ALK: variants seen among roughly 807,000 people sequenced by gnomAD.
ALK encodes ALK receptor tyrosine kinase.
In ALK, 74 loss-of-function variants were observed where a neutral mutation model predicts 163.1. The observed-to-expected ratio is 0.45, with a 90% confidence interval of 0.38 to 0.55. The LOEUF (loss-of-function observed/expected upper bound fraction) is 0.55. Ranked by LOEUF, ALK falls within the 20% of genes least tolerant of loss-of-function variation. The pLI is 0.00. For missense variants in ALK, 2,063 were observed against 2,105.3 expected (o/e 0.98, Z 0.39); for synonymous variants, 960 against 843.2 (o/e 1.14, Z -2.40).
Position 29,233,574 on chromosome 2 carries a change from G to A in ALK, c.2478C>T (p.Tyr826=), listed in dbSNP as rs142126984. The A allele has an allele frequency of 2.0e-4, 319 of 1,614,144 alleles. 2 individuals are homozygous for A. Among genetic ancestry groups the A allele is most frequent in the Non-Finnish European group, 2.5e-4 (296 of 1,180,034 alleles). The change falls in exon 14 of 29, where the codon TAC becomes TAT. Residue 826 remains tyrosine (Y), a synonymous_variant. Coordinates refer to ENST00000389048, the MANE Select transcript of ALK (RefSeq NM_004304.5). ...GCAGCACACACCATACCTTAAATACGTAGGTGGCTCCACCCCCTCCTCCTC... is the reference window on the plus strand; with the variant it reads ...GCAGCACACACCATACCTTAAATACATAGGTGGCTCCACCCCCTCCTCCTC... The part of the protein sequence containing the change: ...GGGGGGGGAT[Y]VFKMKDGVPV...
At chr2:29,505,212 C>A (rs1462872074) in intron 4 of ALK, among the ~76,000 whole-genome samples, 2 of 152,144 alleles carry the variant, frequency 1.3e-5, no homozygotes, top group Non-Finnish European at 2.9e-5. Flanking sequence ...GCTGTGAATT[C>A]TCTACTGGGT....
intron 1 of ALK, among the ~76,000 whole-genome samples, chr2:29,736,844 T>C (rs1311145485): frequency 6.6e-6 from 1 of 152,144 alleles, no homozygotes; most frequent in Non-Finnish European, 1.5e-5. Flanking sequence ...TGAAATTTAA[T>C]ACTTGTCAAA....
intron 1 of ALK, among the ~76,000 whole-genome samples, chr2:29,870,422 A>G (rs1486265838): frequency 6.6e-6 from 1 of 152,106 alleles, no homozygotes; most frequent in African/African-American, 2.4e-5. Flanking sequence ...GAACTCACAC[A>G]CTATCATGAG....
At chr2:29,403,800 TACTGGGGAG>T (rs1669511257) in intron 4 of ALK, among the ~76,000 whole-genome samples, 1 of 147,460 alleles carries the variant, frequency 6.8e-6, no homozygotes, top group Non-Finnish European at 1.5e-5. Flanking sequence ...TAATACCAGC[TACTGGGGAG>T]GCTGAGGTAG....
At chr2:29,783,515 C>A (rs1316635328) in intron 1 of ALK, among the ~76,000 whole-genome samples, 1 of 152,182 alleles carries the variant, frequency 6.6e-6, no homozygotes, top group Non-Finnish European at 1.5e-5. Flanking sequence ...CAAAGACCCA[C>A]AACTGCCCAT....
chr2:29,375,152 G>A (rs894348116), intron 5 of ALK, among the ~76,000 whole-genome samples: 2 of 152,156 alleles, frequency 1.3e-5, no homozygotes, highest in Non-Finnish European at 2.9e-5. Context: ...CAAGGAAGCA[G>A]GTTAGTTCTC....
At chr2:29,489,776 G>A (rs1671857857) in intron 4 of ALK, among the ~76,000 whole-genome samples, 1 of 152,240 alleles carries the variant, frequency 6.6e-6, no homozygotes, top group South Asian at 2.1e-4. Flanking sequence ...CAGGTGCTGA[G>A]CCCTGGAAAG....
At chr2:29,694,074 G>A (rs1678481920) in intron 3 of ALK, among the ~76,000 whole-genome samples, 1 of 152,176 alleles carries the variant, frequency 6.6e-6, no homozygotes, top group African/African-American at 2.4e-5. Context: ...GAGTTTTCTA[G>A]GTCCAAGACA....
At chr2:29,906,889 G>A (rs1667562528) in intron 1 of ALK, among the ~76,000 whole-genome samples, 1 of 148,762 alleles carries the variant, frequency 6.7e-6, no homozygotes, top group Non-Finnish European at 1.5e-5. Flanking sequence ...GGGAAGCCTT[G>A]GAAAATAGTG....
chr2:29,259,414 C>G (rs1293656605), intron 11 of ALK, among the ~76,000 whole-genome samples: 1 of 152,124 alleles, frequency 6.6e-6, no homozygotes, highest in African/African-American at 2.4e-5. Flanking sequence ...ATTTATTGCT[C>G]ACACCAGTCA....
chr2:29,295,453 C>T (rs1573202131), intron 9 of ALK, among the ~76,000 whole-genome samples: 2 of 152,194 alleles, frequency 1.3e-5, no homozygotes, highest in East Asian at 1.9e-4. Flanking sequence ...AGACAAAAGA[C>T]TAAACTATAG....
chr2:29,714,025 T>TC (rs1346932006), intron 2 of ALK, among the ~76,000 whole-genome samples: 1 of 152,084 alleles, frequency 6.6e-6, no homozygotes, highest in Non-Finnish European at 1.5e-5. Flanking sequence ...AAACTGCCTT[T>TC]CAAAACCCCC....
intron 3 of ALK, among the ~76,000 whole-genome samples, chr2:29,542,127 G>A (rs201187464): frequency 6.6e-6 from 1 of 152,088 alleles, no homozygotes; most frequent in Non-Finnish European, 1.5e-5. Flanking sequence ...TGCCCTTTGT[G>A]GGTTAATTTT....
Position 29,726,751 on chromosome 2 carries a change from G to A in ALK, c.668-9054C>T, listed in dbSNP as rs554174828. Among the ~76,000 whole-genome samples, 7 of 152,310 alleles carry A rather than the reference G, an allele frequency of 4.6e-5. No individual in the cohort carries two copies. The South Asian group carries it at 1.2e-3, about 27-fold the overall frequency. ...TTGCAACTGTGTGCACATTCACCAT[G>A]ACTTAGGGCTCCCTGATGCCTTTCA... On this transcript the variant is annotated intron_variant, in intron 1 of 28. Coordinates refer to ENST00000389048, the MANE Select transcript of ALK (RefSeq NM_004304.5).
At chr2:29,504,571 G>C (rs550223940) in intron 4 of ALK, among the ~76,000 whole-genome samples, 2 of 152,084 alleles carry the variant, frequency 1.3e-5, no homozygotes, top group South Asian at 4.2e-4. Context: ...TTTGGAGATG[G>C]AATTGACAGG....
intron 1 of ALK, among the ~76,000 whole-genome samples, chr2:29,905,340 A>G (rs1667515022): frequency 6.6e-6 from 1 of 152,236 alleles, no homozygotes; most frequent in Non-Finnish European, 1.5e-5. Flanking sequence ...TCTTGCCTAA[A>G]TATTTAAGCA....
At chr2:29,432,801 T>C (rs1670303667) in intron 4 of ALK, among the ~76,000 whole-genome samples, 1 of 151,976 alleles carries the variant, frequency 6.6e-6, no homozygotes, top group Non-Finnish European at 1.5e-5. Context: ...GTGATTCATC[T>C]AAACATTTGT....
chr2:29,436,713 G>A (rs986532010), intron 4 of ALK, among the ~76,000 whole-genome samples: 13 of 152,074 alleles, frequency 8.5e-5, no homozygotes, highest in Non-Finnish European at 1.6e-4. Context: ...TCGTATCTGT[G>A]ACCACAATTC....
chr2:29,913,648 T>C (rs1372700395), intron 1 of ALK, among the ~76,000 whole-genome samples: 1 of 152,220 alleles, frequency 6.6e-6, no homozygotes, highest in African/African-American at 2.4e-5. Context: ...AGGCAATGGC[T>C]CAGCTATGGT....
Sources: gnomAD v4.1 joint callset for allele counts (sites outside exome capture counted in the v4.1 genomes callset) on GRCh38, gnomAD v4.1.1 for gene constraint, MANE v1.5 for transcripts, NCBI Gene and HGNC (gene_info 2026-07-23, HGNC 2026-07-21) for gene names.